The following ARHGAP23 variants were observed in gnomAD, a reference collection of about 807,000 sequenced individuals.
ARHGAP23 encodes the protein Rho GTPase activating protein 23, also known as rho GTPase-activating protein 23.
A neutral mutation model predicts 136.3 loss-of-function variants in ARHGAP23; 34 were observed. The observed-to-expected ratio is 0.25, with a 90% CI of 0.19 to 0.33. ARHGAP23 has a LOEUF of 0.33. Among genes scored for constraint, ARHGAP23 ranks in the 10% least tolerant of loss-of-function variants. The pLI, the probability that ARHGAP23 is intolerant of heterozygous loss-of-function variation, is 1.00. For missense variants in ARHGAP23, 1,808 were observed against 2,139.0 expected (o/e 0.85, Z 3.05); for synonymous variants, 832 against 920.5 (o/e 0.90, Z 1.74).
chr17:38,436,629 T>A (rs2038804086), intron 1 of ARHGAP23, among the ~76,000 whole-genome samples: 1 of 152,244 alleles, frequency 6.6e-6, no homozygotes, highest in African/African-American at 2.4e-5. Flanking sequence ...AAGGGCCTCC[T>A]TGTCTGCTTT....
Position 38,510,054 on chromosome 17 carries a change from C to T in ARHGAP23, c.3558C>T (p.Gly1186=). 8.1e-7 allele frequency: 1 copy of T among 1,240,288 alleles called. No homozygotes were observed. The highest frequency in any genetic ancestry group is 3.8e-5 in the South Asian group (1 of 26,090). 76.8% of individuals were successfully genotyped at this position (1,240,288 alleles called of 1,614,324 possible). A position where few individuals can be genotyped will look rare whatever the true frequency, so the allele number is the denominator to read the frequency against. ...RKKRREARGL[G]SSTDDDSEQE... is the part of the protein sequence containing the mutation. ...AGCGGCGGGAGGCGCGGGGGCTGGG[C>T]AGCAGCACCGACGACGACTCGGAGC... is the stretch of plus-strand genomic sequence containing the variant. The change falls in exon 24 of 24, where the codon GGC becomes GGT. Residue 1186 remains glycine, a synonymous_variant. Coordinates refer to ENST00000622683, the MANE Select transcript of ARHGAP23 (RefSeq NM_001199417.2). The surrounding 1 kb of genome is among the most constrained non-coding windows in gnomAD (Gnocchi z 4.6).
At chr17:38,501,451 A>G (rs1215915981) in intron 23 of ARHGAP23, among the ~76,000 whole-genome samples, 3 of 151,908 alleles carry the variant, frequency 2.0e-5, no homozygotes, top group Non-Finnish European at 2.9e-5. Flanking sequence ...ACAGGCGCCC[A>G]CCATCACGTC....
upstream of ARHGAP23, among the ~76,000 whole-genome samples, chr17:38,428,141 C>G (rs1193300965): frequency 6.6e-6 from 1 of 152,210 alleles, no homozygotes; most frequent in Non-Finnish European, 1.5e-5. Context: ...CCCTTGTCCT[C>G]TTTCCTGGGC....
intron 1 of ARHGAP23, among the ~76,000 whole-genome samples, chr17:38,447,602 A>G (rs573386582): frequency 1.3e-5 from 2 of 152,286 alleles, no homozygotes; most frequent in Admixed American, 1.3e-4. Context: ...GCATCCTCCA[A>G]TCTGAGGGGA....
chr17:38,484,998 C>G (rs2040128632), intron 16 of ARHGAP23, among the ~76,000 whole-genome samples: 1 of 152,126 alleles, frequency 6.6e-6, no homozygotes, highest in Non-Finnish European at 1.5e-5. Context: ...TATTCTGAGC[C>G]ATTCCCAGCG....
At chr17:38,491,583 G>A (rs1379348827) in intron 20 of ARHGAP23, 51 bp downstream of exon 20, 1 of 1,547,846 alleles carries the variant, frequency 6.5e-7, no homozygotes, top group Admixed American at 2.0e-5. Context: ...CCCAGGCCAT[G>A]TTCCTCTGAG....
intron 14 of ARHGAP23, among the ~76,000 whole-genome samples, chr17:38,480,676 C>T (rs538000767): frequency 2.7e-5 from 4 of 150,476 alleles, no homozygotes; most frequent in Non-Finnish European, 5.9e-5. Context: ...TGGTGGTGTG[C>T]GCCTGTAATC....
intron 1 of ARHGAP23, among the ~76,000 whole-genome samples, chr17:38,420,046 G>C (rs758753217): frequency 3.3e-5 from 5 of 152,166 alleles, no homozygotes; most frequent in Admixed American, 6.5e-5. Flanking sequence ...GGTTTTGGGA[G>C]GGGGGTGCTG....
intron 1 of ARHGAP23, among the ~76,000 whole-genome samples, chr17:38,438,833 A>G (rs1469908996): frequency 6.6e-6 from 1 of 151,896 alleles, no homozygotes; most frequent in Non-Finnish European, 1.5e-5. Flanking sequence ...AAAATACAAA[A>G]TTAGCTGGGA....
chr17:38,472,120 T>G (rs2144674857), intron 11 of ARHGAP23, 114 bp downstream of exon 11: 1 of 1,236,184 alleles, frequency 8.1e-7, no homozygotes, highest in Admixed American at 2.8e-5. Flanking sequence ...GGTTGTTGCA[T>G]GAAGGATGGA....
chr17:38,461,945 G>A (rs560839660), intron 3 of ARHGAP23, among the ~76,000 whole-genome samples: 2 of 152,180 alleles, frequency 1.3e-5, no homozygotes, highest in East Asian at 3.9e-4. Context: ...CAAGGGCTGT[G>A]CTTGTTCATC....
chr17:38,455,507 C>A (rs544412766), intron 1 of ARHGAP23, among the ~76,000 whole-genome samples: 423 of 152,316 alleles, frequency 2.8e-3, no homozygotes, highest in Non-Finnish European at 3.6e-3. Context: ...GGAGCAGCCC[C>A]CCCAGGCAGC....
At chr17:38,470,225 C>T (rs564153230) in intron 10 of ARHGAP23, among the ~76,000 whole-genome samples, 21 of 152,342 alleles carry the variant, frequency 1.4e-4, no homozygotes, top group East Asian at 7.7e-4. Context: ...TTCCAGCCTC[C>T]GCTCCTGACA....
intron 1 of ARHGAP23, among the ~76,000 whole-genome samples, chr17:38,440,809 C>T (rs983708792): frequency 3.9e-5 from 6 of 152,106 alleles, no homozygotes; most frequent in Admixed American, 2.6e-4. Context: ...ATCTAGAGGC[C>T]GGGACTGGGG....
chr17:38,452,857 GA>G lies in ARHGAP23; in HGVS notation c.64-5244del, dbSNP rs570647259. On this transcript the variant is annotated intron_variant, in intron 1 of 23. Transcript: ENST00000622683. ...CTGGCTCACATGCCAGGGGGTGGGAGAGGGGGCAGCTTTGAATGATTGTCAG... is the reference window on the plus strand; with the variant it reads ...CTGGCTCACATGCCAGGGGGTGGGAGGGGGGCAGCTTTGAATGATTGTCAG... 3.9e-3 allele frequency among the ~76,000 whole-genome samples: 601 copies of G among 152,352 alleles called. 4 individuals are homozygous for G. Among genetic ancestry groups the G allele is most frequent in the African/African-American group, 0.014 (576 of 41,574 alleles).
chr17:38,429,396 G>A (rs2038638850), intron 1 of ARHGAP23, among the ~76,000 whole-genome samples: 2 of 152,252 alleles, frequency 1.3e-5, no homozygotes, highest in African/African-American at 2.4e-5. Flanking sequence ...CTGCTCCTAA[G>A]TTGAAGGGTT....
chr17:38,486,173 G>A (rs1473141586), intron 17 of ARHGAP23, 33 bp downstream of exon 17: 2 of 1,529,344 alleles, frequency 1.3e-6, no homozygotes, highest in Non-Finnish European at 1.8e-6. Context: ...GCGGGGAGGG[G>A]ACACCAGTCC....
At chr17:38,504,003 T>C (rs2040576040) in intron 23 of ARHGAP23, among the ~76,000 whole-genome samples, 2 of 152,174 alleles carry the variant, frequency 1.3e-5, no homozygotes, top group Non-Finnish European at 2.9e-5. Flanking sequence ...CCATCCCCAT[T>C]TTACAGATGT....
In ARHGAP23 at chr17:38,466,912, G is replaced by A. The variant is rs1276543756; in HGVS notation, c.1229G>A (p.Gly410Asp). The change falls in exon 7 of 24, where the codon GGC becomes GAC. Residue 410 changes from glycine (G) to aspartate (D), a missense_variant. By Grantham distance (94) the Gly-to-Asp change is moderately conservative (BLOSUM62 -1). Around this residue, in one of 7 missense-constraint regions of ARHGAP23, gnomAD observed 859 missense variants for 936.4 expected, o/e 0.92. Coordinates refer to ENST00000622683, the MANE Select transcript of ARHGAP23 (RefSeq NM_001199417.2). ...GCCCCACCCCCGTCTGGCCTGCAGG[G>A]CCTGGATGACCTCGGGTACATCGGC... is the stretch of plus-strand genomic sequence containing the variant. ...PQAPPPSGLQ[G>D]LDDLGYIGYR... 6.4e-7 allele frequency: 1 copy of A among 1,550,448 alleles called. No individual in the cohort carries two copies. The highest frequency in any genetic ancestry group is 8.7e-7 in the Non-Finnish European group (1 of 1,146,932).
Sources: allele counts gnomAD v4.1 joint callset (sites outside exome capture counted in the v4.1 genomes callset), GRCh38; gene constraint gnomAD v4.1.1; regional missense constraint gnomAD v4.1.1; non-coding constraint Gnocchi (gnomAD v3.1); transcripts MANE v1.5; gene names NCBI Gene and HGNC (gene_info 2026-07-23, HGNC 2026-07-21).